The following SLC24A4 variants were observed in gnomAD, a reference collection of about 807,000 sequenced individuals.
SLC24A4 encodes sodium/potassium/calcium exchanger 4.
SLC24A4 carries 53 observed loss-of-function variants against 79.0 expected under a neutral mutation model. The observed-to-expected ratio is 0.67, with a 90% confidence interval of 0.54 to 0.84. The LOEUF (loss-of-function observed/expected upper bound fraction) is 0.84. Among genes scored for constraint, SLC24A4 ranks in the 40% least tolerant of loss-of-function variants. The pLI is 0.00. For synonymous variants in SLC24A4, 323 were observed against 323.8 expected, an observed-to-expected ratio of 1.00 and a Z score of 0.03; for missense variants, 731 against 822.0, an observed-to-expected ratio of 0.89 and a Z score of 1.35.
intron 13 of SLC24A4, chr14:92,484,641 A>G (rs1174219682): frequency 7.1e-6 from 7 of 985,196 alleles, no homozygotes; most frequent in Non-Finnish European, 8.4e-6. Flanking sequence ...CCAGGCACTC[A>G]CACTTGGAAC....
chr14:92,373,580 C>T (rs941844834), intron 2 of SLC24A4, among the ~76,000 whole-genome samples: 4 of 152,162 alleles, frequency 2.6e-5, no homozygotes, highest in African/African-American at 9.7e-5. Flanking sequence ...ACATTCCTTT[C>T]TTTTACACAT....
At chr14:92,336,929 C>T (rs147010494) in intron 2 of SLC24A4, among the ~76,000 whole-genome samples, 8 of 152,252 alleles carry the variant, frequency 5.3e-5, no homozygotes, top group East Asian at 1.9e-4. Flanking sequence ...CCTGGAGGAA[C>T]GCTTGCTAGC....
intron 2 of SLC24A4, among the ~76,000 whole-genome samples, chr14:92,372,379 C>T (rs1297373202): frequency 6.6e-6 from 1 of 152,118 alleles, no homozygotes; most frequent in African/African-American, 2.4e-5. Context: ...CCAGCTGCTG[C>T]CCACAGACAT....
intron 2 of SLC24A4, 50 bp downstream of exon 2, chr14:92,326,028 C>A (rs1357885706): frequency 2.2e-6 from 3 of 1,353,124 alleles, no homozygotes; most frequent in South Asian, 1.2e-5. Context: ...TTTGGCCTGG[C>A]CTGGAGATGG....
intron 2 of SLC24A4, among the ~76,000 whole-genome samples, chr14:92,384,322 G>A (rs1230761356): frequency 2.0e-5 from 3 of 152,026 alleles, no homozygotes; most frequent in Admixed American, 1.3e-4. Context: ...CTGAAGGGGA[G>A]GGAGTGTTGC....
chr14:92,412,698 A>T (rs1411335557), intron 2 of SLC24A4, among the ~76,000 whole-genome samples: 2 of 151,864 alleles, frequency 1.3e-5, no homozygotes, highest in Non-Finnish European at 1.5e-5. Context: ...GCATCTCTAC[A>T]TCATCCCCTC....
Position 92,398,922 on chromosome 14 carries a change from T to C in SLC24A4, c.242-34990T>C, listed in dbSNP as rs1889935301. Among the ~76,000 whole-genome samples, 1 of 152,218 alleles carries C rather than the reference T, an allele frequency of 6.6e-6. No individual in the cohort carries two copies. The highest frequency in any genetic ancestry group is 1.5e-5 in the Non-Finnish European group (1 of 68,038). On this transcript the variant is annotated intron_variant, in intron 2 of 16. Transcript: ENST00000532405. This position sits in a 1 kb window ranked among gnomAD's most constrained non-coding sequence, Gnocchi z 4.1. ...GGATCTTCAAGGACAAGGACCGTGT[T>C]GGTTTAAATCTGATGACACACTCTG... is the stretch of plus-strand genomic sequence containing the variant.
At chr14:92,337,091 A>AT (rs564156187) in intron 2 of SLC24A4, among the ~76,000 whole-genome samples, 274 of 149,242 alleles carry the variant, frequency 1.8e-3, no homozygotes, top group African/African-American at 4.9e-3. Context: ...GATTACTTGG[A>AT]TTTTTTTTTT....
chr14:92,329,016 A>G (rs1253001500), intron 2 of SLC24A4, among the ~76,000 whole-genome samples: 1 of 152,260 alleles, frequency 6.6e-6, no homozygotes, highest in Non-Finnish European at 1.5e-5. Flanking sequence ...GGGGTGTGAC[A>G]GACGCTGCCA....
intron 2 of SLC24A4, among the ~76,000 whole-genome samples, chr14:92,366,662 A>G (rs1172238180): frequency 1.3e-5 from 2 of 152,214 alleles, no homozygotes; most frequent in Admixed American, 6.5e-5. Flanking sequence ...ATGGGGCCAG[A>G]ACCACTTTGG....
At chr14:92,445,553 C>A (rs567814478) in intron 8 of SLC24A4, among the ~76,000 whole-genome samples, 61 of 152,250 alleles carry the variant, frequency 4.0e-4, no homozygotes, top group African/African-American at 1.2e-3. Flanking sequence ...TCCCAGCCTG[C>A]TAGGTATCAG....
chr14:92,492,376 G>A (rs778269516), intron 16 of SLC24A4, 136 bp downstream of exon 16: 11 of 790,920 alleles, frequency 1.4e-5, no homozygotes, highest in South Asian at 3.3e-5. Flanking sequence ...AAATGTAGAC[G>A]TTCATAGACA....
chr14:92,491,562 G>A (rs2139946448), intron 14 of SLC24A4, 103 bp from the exon 15 acceptor site: 1 of 798,050 alleles, frequency 1.3e-6, no homozygotes, highest in East Asian at 2.5e-5. Context: ...CTTGCAGAAG[G>A]AATTGCTTTC....
At chr14:92,375,711 C>T (rs936774960) in intron 2 of SLC24A4, among the ~76,000 whole-genome samples, 1 of 152,186 alleles carries the variant, frequency 6.6e-6, no homozygotes, top group East Asian at 1.9e-4. Flanking sequence ...GGACAAAGGC[C>T]GCATACCGTA....
At chr14:92,354,455 G>A (rs1887065047) in intron 2 of SLC24A4, among the ~76,000 whole-genome samples, 1 of 152,042 alleles carries the variant, frequency 6.6e-6, no homozygotes, top group Non-Finnish European at 1.5e-5. Context: ...CTGGCCTGTA[G>A]CAGCTACTTT....
intron 12 of SLC24A4, among the ~76,000 whole-genome samples, chr14:92,474,843 G>GTGTATATATATATATATATATA (rs779007741): frequency 4.2e-5 from 1 of 23,880 alleles, no homozygotes; most frequent in African/African-American, 9.8e-5. Flanking sequence ...GTGTGTGTGT[G>GTGTATATATATATATATATATA]TATATATATA....
chr14:92,460,168 C>T lies in SLC24A4; in HGVS notation c.1255+3560C>T, dbSNP rs117607600. Among the ~76,000 whole-genome samples the T allele has an allele frequency of 8.5e-5, 13 of 152,194 alleles. No individual in the cohort carries two copies. The East Asian group carries it at 2.5e-3, about 29-fold the overall frequency. On this transcript the variant is annotated intron_variant, in intron 12 of 16. Transcript: ENST00000532405. ...TGTTGTGAAGGACAAGCTGGGAGGC[C>T]GGCTCTGGAGTGCAGGAATCCTGGG...
chr14:92,326,285 C>G (rs1009075720), intron 2 of SLC24A4, among the ~76,000 whole-genome samples: 2 of 151,108 alleles, frequency 1.3e-5, no homozygotes, highest in South Asian at 4.2e-4. Context: ...GTTTGCGGCT[C>G]GGGGTGTCTT....
chr14:92,465,547 C>T lies in SLC24A4; in HGVS notation c.1255+8939C>T, dbSNP rs573536518. Among the ~76,000 whole-genome samples, 6 of 152,284 alleles carry T rather than the reference C, an allele frequency of 3.9e-5. No homozygotes were observed. The East Asian group carries it at 1.2e-3, about 29-fold the overall frequency. ...GGCCAGTGGTCCCTGGAATGGGGTTCCTGGGATCGGCACCAGCCGAGGGAG... is the reference window on the plus strand; with the variant it reads ...GGCCAGTGGTCCCTGGAATGGGGTTTCTGGGATCGGCACCAGCCGAGGGAG... On this transcript the variant is annotated intron_variant, in intron 12 of 16. Coordinates refer to ENST00000532405, the MANE Select transcript of SLC24A4 (RefSeq NM_153646.4).
Sources: allele counts gnomAD v4.1 joint callset (sites outside exome capture counted in the v4.1 genomes callset), GRCh38; gene constraint gnomAD v4.1.1; non-coding constraint Gnocchi (gnomAD v3.1); transcripts MANE v1.5; gene names NCBI Gene and HGNC (gene_info 2026-07-23, HGNC 2026-07-21).